Variants in CDC20 observed in about 807,000 individuals in gnomAD.
The protein encoded by CDC20 is cell division cycle protein 20 homolog.
In CDC20, 34 loss-of-function variants were observed where a neutral mutation model predicts 60.0. The observed-to-expected ratio is 0.57, with a 90% CI of 0.43 to 0.75. The LOEUF is 0.75. CDC20 is among the 30% of genes least tolerant of loss of function. The pLI is 0.00. For synonymous variants in CDC20, 198 were observed against 243.5 expected, an observed-to-expected ratio of 0.81 and a Z score of 1.74; for missense variants, 469 against 647.3, an observed-to-expected ratio of 0.72 and a Z score of 2.99.
chr1:43,361,616 CCT>C (rs1285991004), intron 9 of CDC20, among the ~76,000 whole-genome samples: 1 of 152,226 alleles, frequency 6.6e-6, no homozygotes, highest in African/African-American at 2.4e-5. Context: ...TGTCCCCTCC[CCT>C]CAGCCTCATC....
In CDC20 at chr1:43,359,407, T is replaced by G. The variant is rs747401469; in HGVS notation, c.181+11T>G. The G allele has an allele frequency of 1.9e-6, 3 of 1,612,374 alleles. No homozygotes were observed. The highest frequency in any genetic ancestry group is 2.5e-6 in the Non-Finnish European group (3 of 1,179,132). ...CGGGCCGAACTCCTGGTCAGTGAGG[T>G]GCCAAAGGAACTGAGTGAGAGCAGC... On this transcript the variant is annotated intron_variant, in intron 2 of 10. Coordinates refer to ENST00000310955, the MANE Select transcript of CDC20 (RefSeq NM_001255.3).
chr1:43,362,515 C>CT (rs1267728310), intron 10 of CDC20, among the ~76,000 whole-genome samples: 1 of 152,092 alleles, frequency 6.6e-6, no homozygotes, highest in Non-Finnish European at 1.5e-5. Context: ...AAACTGTACA[C>CT]TTTAAAAGGA....
Position 43,361,251 on chromosome 1 carries a change from C to G in CDC20, c.1203+6C>G. On this transcript the variant is annotated splice_donor_region_variant and intron_variant, in intron 9 of 10. Transcript: ENST00000310955. ...CCGTGGATGCCCATTCCCAGGTAAT[C>G]TTTTGCCTGTTCCTGCCTCTCCCAC... 6.3e-7 allele frequency: 1 copy of G among 1,590,600 alleles called. No individual in the cohort carries two copies. Among genetic ancestry groups the G allele is most frequent in the Non-Finnish European group, 8.6e-7 (1 of 1,167,956 alleles).
At position 43,359,408 on chromosome 1, in the gene CDC20, G is replaced by A; in HGVS notation, c.181+12G>A. 6.2e-7 allele frequency: 1 copy of A among 1,612,618 alleles called. No homozygotes were observed. Among genetic ancestry groups the A allele is most frequent in the Non-Finnish European group, 8.5e-7 (1 of 1,179,206 alleles). On this transcript the variant is annotated intron_variant, in intron 2 of 10. Transcript: ENST00000310955. ...GGGCCGAACTCCTGGTCAGTGAGGTGCCAAAGGAACTGAGTGAGAGCAGCC... is the reference window on the plus strand; with the variant it reads ...GGGCCGAACTCCTGGTCAGTGAGGTACCAAAGGAACTGAGTGAGAGCAGCC...
chr1:43,362,926 T>G (rs1444210722), intron 10 of CDC20, 25 bp from the exon 11 acceptor site: 1 of 1,554,092 alleles, frequency 6.4e-7, no homozygotes, highest in South Asian at 1.2e-5. Flanking sequence ...TCAGCATTCG[T>G]ATGTACTGTT....
intron 4 of CDC20, 32 bp downstream of exon 4, chr1:43,359,853 A>G (rs1311330755): frequency 6.2e-7 from 1 of 1,609,696 alleles, no homozygotes; most frequent in Admixed American, 1.7e-5. Flanking sequence ...TCCTGGAGGG[A>G]GGTGTCAGTT....
In CDC20 at chr1:43,359,015, T is replaced by C. The variant is rs1198787178; in HGVS notation, c.-50+9T>C. The C allele has an allele frequency of 3.3e-6, 2 of 611,404 alleles. No homozygotes were observed. The highest frequency in any genetic ancestry group is 3.7e-5 in the African/African-American group (2 of 53,756). 37.9% of individuals were successfully genotyped at this position (611,404 alleles called of 1,614,324 possible). A position where few individuals can be genotyped will look rare whatever the true frequency, so the allele number is the denominator to read the frequency against. On this transcript the variant is annotated intron_variant, in intron 1 of 10. Transcript: ENST00000310955. ...CTGCTCCGGAGGGCACGGTGAGAGGTGGTGGGGCTGAGCCGAGGTGGGGCC... is the reference window on the plus strand; with the variant it reads ...CTGCTCCGGAGGGCACGGTGAGAGGCGGTGGGGCTGAGCCGAGGTGGGGCC...
At position 43,363,200 on chromosome 1, in the gene CDC20, T is replaced by A. The variant is rs1014705187; in HGVS notation, c.*71T>A. 3.1e-5 allele frequency: 45 copies of A among 1,453,104 alleles called. No individual in the cohort carries two copies. The highest frequency in any genetic ancestry group is 1.2e-4 in the South Asian group (10 of 82,354). 90.0% of individuals were successfully genotyped at this position (1,453,104 alleles called of 1,614,324 possible). On this transcript the variant is annotated 3_prime_UTR_variant, in exon 11 of 11. Coordinates refer to ENST00000310955, the MANE Select transcript of CDC20 (RefSeq NM_001255.3). Reference sequence around the variant, plus strand: ...CATGTCTCCCTTCATGTTTTTTTTTTAAATCTGTTTCAGCTAATGCCTTTC... The same window carrying A: ...CATGTCTCCCTTCATGTTTTTTTTTAAAATCTGTTTCAGCTAATGCCTTTC...
At chr1:43,359,069 GA>G in intron 1 of CDC20, 63 bp downstream of exon 1, 1 of 785,152 alleles carries the variant, frequency 1.3e-6, no homozygotes, top group South Asian at 1.7e-5. Context: ...TGCTAGGCCG[GA>G]AGGGGCTGCA....
In CDC20 at chr1:43,363,067, C is replaced by T. The variant is rs746179756; in HGVS notation, c.1438C>T (p.Arg480Trp). Residue 480 changes from arginine to tryptophan, a missense_variant, in exon 11 of 11, where the codon CGG becomes TGG. Transcript: ENST00000310955. ...CTGTTTTGAGTTGGACCCTGCGCGGCGGCGGGAGCGGGAGAAGGCCAGTGC... is the reference window on the plus strand; with the variant it reads ...CTGTTTTGAGTTGGACCCTGCGCGGTGGCGGGAGCGGGAGAAGGCCAGTGC... ...WRCFELDPAR[R>W]REREKASAAK... is the part of the protein sequence containing the mutation. 20 of 1,613,396 alleles carry T rather than the reference C, an allele frequency of 1.2e-5. No individual in the cohort carries two copies. The highest frequency in any genetic ancestry group is 4.4e-5 in the South Asian group (4 of 90,912).
Position 43,360,550 on chromosome 1 carries a change from G to A in CDC20, c.805G>A (p.Ala269Thr), listed in dbSNP as rs562509738. ...GCTTCGAAATATGACCAGTCACTCT[G>A]CCCGAGTGGGCTCCCTAAGCTGGAA... The part of the protein sequence containing the change: ...KRLRNMTSHS[A>T]RVGSLSWNSY... Residue 269 changes from alanine (A) to threonine (T), a missense_variant, in exon 7 of 11, where the codon GCC becomes ACC. By Grantham distance (58) the Ala-to-Thr change is moderately conservative (BLOSUM62 0). This residue lies in a region of CDC20 where 255 missense variants were observed against 326.7 expected (regional missense o/e 0.78). Transcript: ENST00000310955. The A allele has an allele frequency of 3.7e-6, 6 of 1,614,182 alleles. No individual in the cohort carries two copies. The highest frequency in any genetic ancestry group is 4.5e-5 in the East Asian group (2 of 44,886).
chr1:43,360,265 G>A lies in CDC20; in HGVS notation c.629G>A (p.Ser210Asn), dbSNP rs1008710834. Residue 210 changes from serine (S) to asparagine (N), a missense_variant, in exon 6 of 11, where the codon AGT (serine) becomes AAT (asparagine). By Grantham distance (46) the Ser-to-Asn change is conservative. This residue lies in a region of CDC20 where 255 missense variants were observed against 326.7 expected (regional missense o/e 0.78). Transcript: ENST00000310955. ...VALDNSVYLW[S>N]ASSGDILQLL... is the part of the protein sequence containing the mutation. ...CTGGACAACAGTGTGTACCTGTGGA[G>A]TGCAAGCTCTGGTGACATCCTGCAG... The A allele has an allele frequency of 2.7e-5, 43 of 1,614,104 alleles. No homozygotes were observed. Among genetic ancestry groups the A allele is most frequent in the Non-Finnish European group, 3.5e-5 (41 of 1,180,044 alleles).
rs768458015 is a variant in CDC20, at chr1:43,360,143, T to C, written c.556+46T>C. On this transcript the variant is annotated intron_variant, in intron 5 of 10. Transcript: ENST00000310955. ...GCCTCATGCATGGAGAAAGAGGGCC[T>C]GGGACCACACAAACAAGGAAGCTCA... 1.4e-5 allele frequency: 22 copies of C among 1,614,044 alleles called. No individual in the cohort carries two copies. The Middle Eastern group carries it at 4.9e-4, about 36-fold the overall frequency.
At chr1:43,361,001 T>G (rs1647170372) in intron 8 of CDC20, 40 bp downstream of exon 8, 2 of 1,593,918 alleles carry the variant, frequency 1.3e-6, no homozygotes, top group African/African-American at 2.7e-5. Flanking sequence ...GACCCTCACC[T>G]ATAATCTGGG....
chr1:43,362,180 A>G lies in CDC20; in HGVS notation c.1204-15A>G. On this transcript the variant is annotated splice_polypyrimidine_tract_variant and intron_variant, in intron 9 of 10. Transcript: ENST00000310955. ...CTTGGCTATATGTCATGCCCACACC[A>G]GCTCCTCTCCACAGGTGTGCTCCAT... The G allele has an allele frequency of 2.0e-6, 3 of 1,534,388 alleles. No homozygotes were observed. Among genetic ancestry groups the G allele is most frequent in the Non-Finnish European group, 2.7e-6 (3 of 1,108,454 alleles).
Position 43,360,530 on chromosome 1 carries a change from G to A in CDC20, c.785G>A (p.Arg262Gln). The A allele has an allele frequency of 1.2e-6, 2 of 1,614,172 alleles. No individual in the cohort carries two copies. Among genetic ancestry groups the A allele is most frequent in the Non-Finnish European group, 1.7e-6 (2 of 1,179,998 alleles). ...LWDVQQQKRLRNMTSHSARVG... is the reference protein window; with the variant it reads ...LWDVQQQKRLQNMTSHSARVG... ...GATGTGCAGCAGCAGAAACGGCTTC[G>A]AAATATGACCAGTCACTCTGCCCGA... The change falls in exon 7 of 11, where the codon CGA becomes CAA. Residue 262 changes from arginine (R) to glutamine (Q), a missense_variant. Around this residue, in one of 5 missense-constraint regions of CDC20, gnomAD observed 255 missense variants for 326.7 expected, o/e 0.78. Coordinates refer to ENST00000310955, the MANE Select transcript of CDC20 (RefSeq NM_001255.3).
chr1:43,362,830 A>C (rs998055994), intron 10 of CDC20, 121 bp from the exon 11 acceptor site: 1 of 715,414 alleles, frequency 1.4e-6, no homozygotes, highest in African/African-American at 1.8e-5. Context: ...GCGCCACTGC[A>C]CTCCAGCCTG....
chr1:43,362,219 C>T lies in CDC20; in HGVS notation c.1228C>T (p.His410Tyr). The change falls in exon 10 of 11, where the codon CAT becomes TAT. Residue 410 changes from histidine (H) to tyrosine (Y), a missense_variant. His to Tyr is a moderately conservative substitution (Grantham distance 83). Transcript: ENST00000310955. Reference sequence around the variant, plus strand: ...GGTGTGCTCCATCCTCTGGTCTCCCCATTACAAGGAGCTCATCTCAGGCCA... The same window carrying T: ...GGTGTGCTCCATCCTCTGGTCTCCCTATTACAAGGAGCTCATCTCAGGCCA... Reference protein sequence around the residue: ...SQVCSILWSPHYKELISGHGF... With the variant: ...SQVCSILWSPYYKELISGHGF... 6.2e-7 allele frequency: 1 copy of T among 1,611,710 alleles called. No individual in the cohort carries two copies. The highest frequency in any genetic ancestry group is 2.2e-5 in the East Asian group (1 of 44,884).
intron 7 of CDC20, 33 bp downstream of exon 7, chr1:43,360,626 A>C: frequency 6.3e-7 from 1 of 1,590,844 alleles, no homozygotes; most frequent in South Asian, 1.1e-5. Context: ...TGGTAGTCTG[A>C]TATTTGCCCA....
Sources: allele counts gnomAD v4.1 joint callset (sites outside exome capture counted in the v4.1 genomes callset), GRCh38; gene constraint gnomAD v4.1.1; regional missense constraint gnomAD v4.1.1; transcripts MANE v1.5; gene names NCBI Gene and HGNC (gene_info 2026-07-23, HGNC 2026-07-21).